DIS3L2: variants seen among roughly 807,000 people sequenced by gnomAD.
DIS3L2 encodes the protein DIS3 like 3'-5' exoribonuclease 2.
DIS3L2 carries 34 observed loss-of-function variants against 97.5 expected under a neutral mutation model. The observed-to-expected ratio is 0.35, with a 90% confidence interval of 0.27 to 0.46. DIS3L2 has a LOEUF of 0.46. Ranked by LOEUF, DIS3L2 falls within the 20% of genes least tolerant of loss-of-function variation. DIS3L2 has a pLI of 1.00. For synonymous variants in DIS3L2, 435 were observed against 445.2 expected (o/e 0.98, Z 0.29); for missense variants, 1,038 against 1,146.0 (o/e 0.91, Z 1.36).
chr2:232,155,030 C>T (rs1292514097), intron 8 of DIS3L2, among the ~76,000 whole-genome samples: 4 of 149,884 alleles, frequency 2.7e-5, no homozygotes, highest in Non-Finnish European at 5.9e-5. Context: ...TTGCGCTTCC[C>T]AGGTGAGGCA....
At chr2:231,983,861 C>T (rs1487808627) in intron 1 of DIS3L2, among the ~76,000 whole-genome samples, 1 of 149,766 alleles carries the variant, frequency 6.7e-6, no homozygotes, top group Non-Finnish European at 1.5e-5. Context: ...TGCCCTCCAG[C>T]CTTGGCAACA....
intron 11 of DIS3L2, among the ~76,000 whole-genome samples, chr2:232,248,980 A>G (rs772362441): frequency 6.6e-6 from 1 of 152,186 alleles, no homozygotes; most frequent in Non-Finnish European, 1.5e-5. Flanking sequence ...CAATGTAGCT[A>G]TTTTACATTG....
At chr2:232,228,049 C>T (rs143806981) in intron 10 of DIS3L2, among the ~76,000 whole-genome samples, 4 of 152,230 alleles carry the variant, frequency 2.6e-5, no homozygotes, top group Non-Finnish European at 5.9e-5. Flanking sequence ...CTTACGGCAA[C>T]CTCCGCCTCC....
chr2:232,138,246 T>G (rs891649466), intron 8 of DIS3L2, among the ~76,000 whole-genome samples: 11 of 152,244 alleles, frequency 7.2e-5, no homozygotes, highest in African/African-American at 2.4e-4. Flanking sequence ...TTCTTGAAGG[T>G]AAAATACAAC....
chr2:231,974,023 C>T (rs1009518990), intron 1 of DIS3L2, among the ~76,000 whole-genome samples: 3 of 152,114 alleles, frequency 2.0e-5, no homozygotes, highest in African/African-American at 7.2e-5. Context: ...AAAAAGCTTC[C>T]CATGTTCCTA....
intron 4 of DIS3L2, 31 bp downstream of exon 4, chr2:232,024,361 T>C (rs377110632): frequency 5.2e-6 from 8 of 1,527,368 alleles, no homozygotes; most frequent in Admixed American, 1.8e-5. Context: ...ATAAACTTTA[T>C]GTCACATTTA....
At chr2:232,290,011 G>A (rs968545435) in intron 13 of DIS3L2, among the ~76,000 whole-genome samples, 1 of 152,256 alleles carries the variant, frequency 6.6e-6, no homozygotes, top group African/African-American at 2.4e-5. Context: ...TGCAGTTCCT[G>A]CAGTCAGCAC....
intron 9 of DIS3L2, among the ~76,000 whole-genome samples, chr2:232,182,697 C>G (rs990312757): frequency 1.3e-5 from 2 of 151,946 alleles, no homozygotes; most frequent in Non-Finnish European, 2.9e-5. Context: ...ACACTTTTTG[C>G]CTTGAATTCT....
At chr2:232,334,121 G>A in intron 17 of DIS3L2, 134 bp downstream of exon 17, 2 of 1,401,844 alleles carry the variant, frequency 1.4e-6, no homozygotes, top group South Asian at 1.5e-5. Flanking sequence ...CCAAGTGCAG[G>A]GGAGCCTGGC....
chr2:232,185,664 G>A (rs1421233090), intron 9 of DIS3L2, among the ~76,000 whole-genome samples: 2 of 152,086 alleles, frequency 1.3e-5, no homozygotes, highest in South Asian at 2.1e-4. Context: ...GTGAAACCTC[G>A]TCTCTACTAA....
intron 5 of DIS3L2, among the ~76,000 whole-genome samples, chr2:232,042,925 A>G (rs1180996106): frequency 6.6e-6 from 1 of 152,218 alleles, no homozygotes; most frequent in Non-Finnish European, 1.5e-5. Context: ...AGGTATTACT[A>G]CTATTAGTCT....
chr2:232,326,930 G>A (rs1281679777), intron 14 of DIS3L2, among the ~76,000 whole-genome samples: 1 of 152,250 alleles, frequency 6.6e-6, no homozygotes, highest in African/African-American at 2.4e-5. Flanking sequence ...TCCAGGGAGA[G>A]CAGGTAGCGG....
chr2:232,040,103 A>G (rs565933644), intron 5 of DIS3L2, among the ~76,000 whole-genome samples: 1 of 152,324 alleles, frequency 6.6e-6, no homozygotes, highest in South Asian at 2.1e-4. Flanking sequence ...AACAAACTCT[A>G]TTTGAAAGAA....
intron 9 of DIS3L2, among the ~76,000 whole-genome samples, chr2:232,176,781 A>C (rs1431249190): frequency 6.7e-6 from 1 of 148,922 alleles, no homozygotes; most frequent in South Asian, 2.1e-4. Context: ...TAATTAATTA[A>C]TTAATTAATT....
intron 5 of DIS3L2, among the ~76,000 whole-genome samples, chr2:232,076,445 A>T (rs2106292906): frequency 6.6e-6 from 1 of 152,254 alleles, no homozygotes; most frequent in Admixed American, 6.5e-5. Flanking sequence ...ATTTGGTATT[A>T]TCAGAATTTT....
At position 232,281,655 on chromosome 2, in the gene DIS3L2, G is replaced by T. The variant is rs77512048; in HGVS notation, c.1659+18215G>T. Among the ~76,000 whole-genome samples the T allele has an allele frequency of 6.6e-6, 1 of 152,124 alleles. No homozygotes were observed. Among genetic ancestry groups the T allele is most frequent in the Admixed American group, 6.5e-5 (1 of 15,274 alleles). On this transcript the variant is annotated intron_variant, in intron 13 of 20. Transcript: ENST00000325385. The surrounding 1 kb of genome is among the most constrained non-coding windows in gnomAD (Gnocchi z 4.1). ...AGTGGAATCAGAACCACAAAAGGGA[G>T]GGGGGACACCTGGATATGCCCAGGT...
In DIS3L2 at chr2:232,163,352, G is replaced by A. The variant is rs1690709633; in HGVS notation, c.951-107G>A. 2.6e-5 allele frequency: 29 copies of A among 1,096,366 alleles called. No homozygotes were observed. The South Asian group carries it at 4.3e-4, about 16-fold the overall frequency. 67.9% of individuals were successfully genotyped at this position (1,096,366 alleles called of 1,614,324 possible). ...ATGATCATGTTTCTACTGGTGGAAG[G>A]GCAGGAGATTTTAAACTTTCCCACT... On this transcript the variant is annotated intron_variant, in intron 8 of 20. Transcript: ENST00000325385.
intron 8 of DIS3L2, among the ~76,000 whole-genome samples, chr2:232,139,744 T>C (rs921492325): frequency 6.6e-6 from 1 of 152,190 alleles, no homozygotes; most frequent in Non-Finnish European, 1.5e-5. Context: ...AAGATCACTC[T>C]GACTGAGAGT....
intron 10 of DIS3L2, among the ~76,000 whole-genome samples, 168 bp from the exon 11 acceptor site, chr2:232,238,365 G>A (rs1301847141): frequency 1.3e-5 from 2 of 152,132 alleles, no homozygotes; most frequent in African/African-American, 4.8e-5. Flanking sequence ...ACAGTAGTGC[G>A]GGTCACAGAG....
Sources: allele counts gnomAD v4.1 joint callset (sites outside exome capture counted in the v4.1 genomes callset), GRCh38; gene constraint gnomAD v4.1.1; non-coding constraint Gnocchi (gnomAD v3.1); transcripts MANE v1.5; gene names NCBI Gene and HGNC (gene_info 2026-07-23, HGNC 2026-07-21).